HEATR5A: variants seen among roughly 807,000 people sequenced by gnomAD.
HEATR5A encodes HEAT repeat containing 5A, also known as HEAT repeat-containing protein 5A.
Under a neutral mutation model 218.8 loss-of-function variants are expected in HEATR5A, and 178 were observed. The ratio of observed to expected loss-of-function variants is 0.81; its 90% CI spans 0.72 to 0.92. HEATR5A has a LOEUF of 0.92. HEATR5A is among the 40% of genes least tolerant of loss of function. The probability of loss-of-function intolerance (pLI) is 0.00; values close to 1 mark genes in which losing one functional copy is unlikely to be tolerated. For missense variants in HEATR5A, 2,420 were observed against 2,418.9 expected, an observed-to-expected ratio of 1.00 and a Z score of -0.01; for synonymous variants, 864 against 871.6, an observed-to-expected ratio of 0.99 and a Z score of 0.15.
At chr14:31,395,024 C>T (rs1473850453) in intron 5 of HEATR5A, among the ~76,000 whole-genome samples, 175 bp downstream of exon 5, 1 of 152,140 alleles carries the variant, frequency 6.6e-6, no homozygotes, top group African/African-American at 2.4e-5. Flanking sequence ...GTGTTGCTAA[C>T]TCTTTGAACC....
chr14:31,313,471 T>C (rs957246011), intron 27 of HEATR5A, among the ~76,000 whole-genome samples: 11 of 152,338 alleles, frequency 7.2e-5, no homozygotes, highest in African/African-American at 2.4e-4. Context: ...CACGGCACTC[T>C]TTCTCACTAA....
chr14:31,359,603 T>A (rs1211585406), intron 14 of HEATR5A, among the ~76,000 whole-genome samples: 2 of 151,486 alleles, frequency 1.3e-5, no homozygotes, highest in Non-Finnish European at 2.9e-5. Flanking sequence ...GGCAGGTGCC[T>A]GTAACCCCAG....
chr14:31,395,115 T>A, intron 5 of HEATR5A, 84 bp downstream of exon 5: 1 of 870,472 alleles, frequency 1.1e-6, no homozygotes, highest in Non-Finnish European at 1.7e-6. Flanking sequence ...CAAGATCATG[T>A]AGCTTTTACT....
chr14:31,377,618 C>T (rs908345185), intron 11 of HEATR5A, among the ~76,000 whole-genome samples: 14 of 151,852 alleles, frequency 9.2e-5, no homozygotes, highest in African/African-American at 2.9e-4. Context: ...GACAAAACCC[C>T]ATCTTTACAA....
At chr14:31,371,641 T>G (rs1302039767) in intron 13 of HEATR5A, 169 bp downstream of exon 13, 3 of 413,794 alleles carry the variant, frequency 7.2e-6, no homozygotes, top group Non-Finnish European at 1.3e-5. Context: ...CCTTCCCTTT[T>G]AATATGTAAT....
chr14:31,389,060 A>G, intron 6 of HEATR5A, 55 bp from the exon 7 acceptor site: 4 of 1,447,100 alleles, frequency 2.8e-6, no homozygotes, highest in Non-Finnish European at 3.7e-6. Context: ...TTTTAATGTA[A>G]GTTCTTGATT....
At chr14:31,407,337 A>T (rs896271351) in intron 1 of HEATR5A, among the ~76,000 whole-genome samples, 2 of 152,184 alleles carry the variant, frequency 1.3e-5, no homozygotes, top group African/African-American at 2.4e-5. Context: ...CTGTTTCCCA[A>T]AGACAGAACA....
rs932595791 is a variant in HEATR5A at position 31,371,889 on chromosome 14, G to A, written c.1882C>T (p.His628Tyr). 4 of 1,539,502 alleles carry A rather than the reference G, an allele frequency of 2.6e-6. No homozygotes were observed. The highest frequency in any genetic ancestry group is 2.8e-5 in the African/African-American group (2 of 72,712). The change falls in exon 13 of 36, where the codon CAC becomes TAC. Residue 628 changes from histidine (H) to tyrosine (Y), a missense_variant. His to Tyr is a moderately conservative substitution (Grantham distance 83). Coordinates refer to ENST00000543095, the MANE Select transcript of HEATR5A (RefSeq NM_015473.4). ...TCCTCAGTAAGAAGATCACCACAGT[G>A]GGAAACAAAGCTCTTGATAGCTGAA... is the stretch of plus-strand genomic sequence containing the variant. Reference protein sequence around the residue: ...ALCAIKSFVSHCGDLLTEEVT... With the variant: ...ALCAIKSFVSYCGDLLTEEVT...
At chr14:31,398,504 A>C (rs963194289) in intron 4 of HEATR5A, among the ~76,000 whole-genome samples, 169 bp downstream of exon 4, 5 of 152,226 alleles carry the variant, frequency 3.3e-5, no homozygotes, top group Non-Finnish European at 7.3e-5. Context: ...ACTGGGATTC[A>C]ATATACAGAG....
intron 14 of HEATR5A, among the ~76,000 whole-genome samples, chr14:31,363,801 C>T (rs1479446470): frequency 6.6e-6 from 1 of 151,990 alleles, no homozygotes; most frequent in East Asian, 1.9e-4. Flanking sequence ...GGCAACATGG[C>T]GAAACCCTGT....
chr14:31,340,495 C>T, intron 21 of HEATR5A: 2 of 1,285,626 alleles, frequency 1.6e-6, no homozygotes, highest in Non-Finnish European at 2.0e-6. Flanking sequence ...AAACAAATGA[C>T]ACACCAGTCA....
chr14:31,359,098 A>G (rs761592017), intron 14 of HEATR5A, 41 bp from the exon 15 acceptor site: 1 of 1,556,712 alleles, frequency 6.4e-7, no homozygotes, highest in South Asian at 1.2e-5. Flanking sequence ...ACTATTAATT[A>G]TCTGGTGAGA....
chr14:31,372,684 G>A (rs957884321), intron 12 of HEATR5A, among the ~76,000 whole-genome samples: 1 of 152,028 alleles, frequency 6.6e-6, no homozygotes, highest in African/African-American at 2.4e-5. Flanking sequence ...AAAATTAGCT[G>A]AGCATGGTGG....
At chr14:31,295,884 C>T (rs578221532) in intron 34 of HEATR5A, 25 bp downstream of exon 34, 2 of 1,605,452 alleles carry the variant, frequency 1.2e-6, no homozygotes, top group East Asian at 2.2e-5. Flanking sequence ...CTATTACATA[C>T]ATCTTTCTGC....
intron 21 of HEATR5A, 60 bp downstream of exon 21, chr14:31,343,836 G>A: frequency 2.3e-6 from 3 of 1,332,392 alleles, no homozygotes; most frequent in Admixed American, 2.4e-5. Flanking sequence ...AATGTGTACT[G>A]GAATAAATCT....
chr14:31,345,227 A>G lies in HEATR5A; in HGVS notation c.2918T>C (p.Leu973Pro), dbSNP rs755041675. The G allele has an allele frequency of 6.2e-7, 1 of 1,612,090 alleles. No homozygotes were observed. Among genetic ancestry groups the G allele is most frequent in the South Asian group, 1.1e-5 (1 of 90,990 alleles). Residue 973 changes from leucine (L) to proline (P), a missense_variant, in exon 20 of 36, where the codon CTC becomes CCC. Transcript: ENST00000543095. ...GGTAGGTTCCACATGCACATAATAG[A>G]GTGGGCCAGCAGAATCAATGATCAA... ...LSLIIDSAGP[L>P]YYVHVEPTLS...
At chr14:31,374,498 A>C (rs1902155297) in intron 12 of HEATR5A, among the ~76,000 whole-genome samples, 1 of 152,122 alleles carries the variant, frequency 6.6e-6, no homozygotes, top group Non-Finnish European at 1.5e-5. Flanking sequence ...ACGATTCTTA[A>C]TGGTAATTAA....
chr14:31,329,049 AAACC>A (rs1900371308), intron 22 of HEATR5A, among the ~76,000 whole-genome samples: 3 of 152,070 alleles, frequency 2.0e-5, no homozygotes, highest in Non-Finnish European at 4.4e-5. Context: ...GCCCCTTATA[AAACC>A]ATCAGATCTT....
At chr14:31,413,741 T>C (rs1209702026) in intron 1 of HEATR5A, among the ~76,000 whole-genome samples, 1 of 152,208 alleles carries the variant, frequency 6.6e-6, no homozygotes, top group Non-Finnish European at 1.5e-5. Flanking sequence ...CATAGAAAGA[T>C]AATGAGCTAA....
Sources: gnomAD v4.1 joint callset for allele counts (sites outside exome capture counted in the v4.1 genomes callset) on GRCh38, gnomAD v4.1.1 for gene constraint, MANE v1.5 for transcripts, NCBI Gene and HGNC (gene_info 2026-07-23, HGNC 2026-07-21) for gene names.